Variants in LINGO2 observed in about 807,000 individuals in gnomAD.
LINGO2 encodes the protein leucine-rich repeat and immunoglobulin-like domain-containing nogo receptor-interacting protein 2.
In LINGO2, 14 loss-of-function variants were observed where a neutral mutation model predicts 30.6. The observed-to-expected ratio is 0.46, with a 90% CI of 0.30 to 0.72. The LOEUF is 0.72. Among genes scored for constraint, LINGO2 ranks in the 30% least tolerant of loss-of-function variants. The pLI, the probability that LINGO2 is intolerant of heterozygous loss-of-function variation, is 0.07. For missense variants in LINGO2, 729 were observed against 751.7 expected, an observed-to-expected ratio of 0.97 and a Z score of 0.35; for synonymous variants, 317 against 288.5, an observed-to-expected ratio of 1.10 and a Z score of -1.00.
At chr9:28,097,726 C>T (rs1826288624) in intron 4 of LINGO2, among the ~76,000 whole-genome samples, 1 of 149,226 alleles carries the variant, frequency 6.7e-6, no homozygotes, top group Non-Finnish European at 1.5e-5. Flanking sequence ...AGGAGATATA[C>T]CTAATGCTAA....
intron 4 of LINGO2, among the ~76,000 whole-genome samples, chr9:28,182,444 A>G (rs938892890): frequency 4.6e-5 from 7 of 152,230 alleles, no homozygotes; most frequent in Non-Finnish European, 8.8e-5. Context: ...CAATTGCAAC[A>G]CAAGCCAAAA....
the LINGO2 span, among the ~76,000 whole-genome samples, chr9:28,924,811 G>C: frequency 4.6e-5 from 7 of 152,142 alleles, no homozygotes; most frequent in Admixed American, 2.6e-4. Context: ...ATTTAAAACT[G>C]TTATATCCTC....
chr9:28,529,404 T>C (rs558143224), intron 1 of LINGO2, among the ~76,000 whole-genome samples: 1 of 152,214 alleles, frequency 6.6e-6, no homozygotes, highest in South Asian at 2.1e-4. Context: ...CTAATACTGT[T>C]TTTCACACGT....
chr9:28,507,840 T>A (rs1338417572), intron 1 of LINGO2, among the ~76,000 whole-genome samples: 1 of 152,106 alleles, frequency 6.6e-6, no homozygotes, highest in Non-Finnish European at 1.5e-5. Context: ...GCAAATTAAC[T>A]GCAAAACTAG....
At chr9:28,991,182 A>G in the LINGO2 span, among the ~76,000 whole-genome samples, 1 of 152,162 alleles carries the variant, frequency 6.6e-6, no homozygotes, top group Non-Finnish European at 1.5e-5. Context: ...GAGCTGATGG[A>G]GCTGAAAGCC....
intron 5 of LINGO2, among the ~76,000 whole-genome samples, chr9:27,964,076 A>T (rs1239168218): frequency 1.3e-4 from 20 of 152,054 alleles, no homozygotes; most frequent in African/African-American, 4.6e-4. Context: ...CATGATTTCT[A>T]ATTATCCTCC....
At chr9:28,556,206 G>T (rs1171751479) in intron 1 of LINGO2, among the ~76,000 whole-genome samples, 10 of 151,992 alleles carry the variant, frequency 6.6e-5, no homozygotes, top group African/African-American at 2.2e-4. Flanking sequence ...AAGTCAAATT[G>T]TCCCTGTTTG....
chr9:28,619,979 C>T (rs1334018051), intron 1 of LINGO2, among the ~76,000 whole-genome samples: 1 of 142,310 alleles, frequency 7.0e-6, no homozygotes. Context: ...TTGTTATGGT[C>T]CATTAAACTC....
At chr9:29,053,831 G>T in the LINGO2 span, among the ~76,000 whole-genome samples, 1 of 151,824 alleles carries the variant, frequency 6.6e-6, no homozygotes, top group African/African-American at 2.4e-5. Context: ...TCTACCAAAT[G>T]TTCTATAAAT....
At chr9:29,121,758 C>T in the LINGO2 span, among the ~76,000 whole-genome samples, 2 of 152,006 alleles carry the variant, frequency 1.3e-5, no homozygotes, top group African/African-American at 4.8e-5. Flanking sequence ...CTATTTCACT[C>T]CAGCTTCCCT....
chr9:27,966,077 A>G (rs771749846), intron 5 of LINGO2, among the ~76,000 whole-genome samples: 1 of 152,092 alleles, frequency 6.6e-6, no homozygotes, highest in Non-Finnish European at 1.5e-5. Flanking sequence ...TTTTATTATT[A>G]TTATCACTAT....
At chr9:29,079,357 G>A in the LINGO2 span, among the ~76,000 whole-genome samples, 6,261 of 152,008 alleles carry the variant, frequency 0.041, 196 homozygotes, top group Admixed American at 0.079. Flanking sequence ...AGGAAACAAT[G>A]AGAACTCACA....
the LINGO2 span, among the ~76,000 whole-genome samples, chr9:28,870,320 T>C: frequency 6.6e-6 from 1 of 152,126 alleles, no homozygotes; most frequent in East Asian, 1.9e-4. Flanking sequence ...AGTCCACCTG[T>C]ACTTCCCACT....
intron 1 of LINGO2, among the ~76,000 whole-genome samples, chr9:28,632,879 T>TAGAGAGAGA (rs1563879215): frequency 3.7e-5 from 3 of 80,872 alleles, no homozygotes; most frequent in Admixed American, 1.8e-4. Flanking sequence ...TATATATATA[T>TAGAGAGAGA]GTAGAGAGAG....
At chr9:29,084,631 A>C in the LINGO2 span, among the ~76,000 whole-genome samples, 1 of 151,972 alleles carries the variant, frequency 6.6e-6, no homozygotes, top group African/African-American at 2.4e-5. Flanking sequence ...TGATCTCCAC[A>C]TAAACTCCTT....
intron 5 of LINGO2, among the ~76,000 whole-genome samples, chr9:27,988,952 C>T (rs1257661505): frequency 1.3e-5 from 2 of 151,888 alleles, no homozygotes; most frequent in African/African-American, 4.8e-5. Flanking sequence ...TGCTACCACC[C>T]TAGTTCACAT....
chr9:29,187,780 A>ATT, the LINGO2 span, among the ~76,000 whole-genome samples: 24,748 of 118,374 alleles, frequency 0.21, 2,882 homozygotes, highest in Admixed American at 0.28. Context: ...ATACATTTCA[A>ATT]TTTTTTTTTT....
the LINGO2 span, among the ~76,000 whole-genome samples, chr9:29,020,096 T>C: frequency 1.3e-5 from 2 of 152,166 alleles, no homozygotes; most frequent in Admixed American, 6.5e-5. Context: ...TAATGGGAGA[T>C]CCAATATAAA....
chr9:28,306,613 C>A (rs1484740748), intron 3 of LINGO2, among the ~76,000 whole-genome samples: 2 of 152,062 alleles, frequency 1.3e-5, no homozygotes, highest in African/African-American at 4.8e-5. Flanking sequence ...ACACAAAAAA[C>A]CCTTCAAAAA....
Sources: allele counts gnomAD v4.1 joint callset (sites outside exome capture counted in the v4.1 genomes callset), GRCh38; gene constraint gnomAD v4.1.1; transcripts MANE v1.5; gene names NCBI Gene and HGNC (gene_info 2026-07-23, HGNC 2026-07-21).